EBF2: variants seen among roughly 807,000 people sequenced by gnomAD.
EBF2 encodes the protein EBF transcription factor 2, also known as transcription factor COE2.
A neutral mutation model predicts 72.8 loss-of-function variants in EBF2; 21 were observed. The observed-to-expected ratio is 0.29, with a 90% CI of 0.20 to 0.42. The LOEUF (loss-of-function observed/expected upper bound fraction) is 0.42. Ranked by LOEUF, EBF2 falls within the 10% of genes least tolerant of loss-of-function variation. The pLI is 1.00. For synonymous variants in EBF2, 299 were observed against 274.2 expected (o/e 1.09, Z -0.89); for missense variants, 637 against 731.2 (o/e 0.87, Z 1.49).
chr8:25,922,454 A>G (rs937190107), intron 6 of EBF2, among the ~76,000 whole-genome samples: 1 of 152,214 alleles, frequency 6.6e-6, no homozygotes, highest in South Asian at 2.1e-4. Context: ...AGATCATATA[A>G]TAAGGATGAG....
chr8:25,945,075 A>G (rs1256486357), intron 6 of EBF2, among the ~76,000 whole-genome samples: 1 of 145,622 alleles, frequency 6.9e-6, no homozygotes, highest in Non-Finnish European at 1.5e-5. Context: ...AAGCGTGAAA[A>G]GATTGTTCTG....
At chr8:25,906,894 C>T (rs1329210294) in intron 7 of EBF2, among the ~76,000 whole-genome samples, 1 of 152,060 alleles carries the variant, frequency 6.6e-6, no homozygotes, top group Non-Finnish European at 1.5e-5. Flanking sequence ...GAAAAATGTT[C>T]CTGTCACAGC....
At chr8:25,893,338 G>A (rs1802815018) in intron 7 of EBF2, among the ~76,000 whole-genome samples, 1 of 136,506 alleles carries the variant, frequency 7.3e-6, no homozygotes, top group Admixed American at 7.8e-5. Flanking sequence ...CTGAAGTGCA[G>A]TGCAGTGGCC....
intron 14 of EBF2, among the ~76,000 whole-genome samples, chr8:25,856,977 C>G (rs1455178630): frequency 6.6e-6 from 1 of 152,092 alleles, no homozygotes; most frequent in Non-Finnish European, 1.5e-5. Context: ...TTGTTAGACT[C>G]TGTTTTATAT....
chr8:26,007,024 A>G (rs1389408314), intron 6 of EBF2, among the ~76,000 whole-genome samples: 1 of 152,236 alleles, frequency 6.6e-6, no homozygotes. Flanking sequence ...GCCCTTCTAG[A>G]CAGCCACAGA....
intron 14 of EBF2, among the ~76,000 whole-genome samples, chr8:25,851,158 G>A (rs866951746): frequency 3.9e-5 from 6 of 152,002 alleles, no homozygotes; most frequent in Middle Eastern, 3.2e-3. Context: ...AATGGAAATC[G>A]CTTTCACACC....
intron 6 of EBF2, among the ~76,000 whole-genome samples, chr8:25,975,178 G>A (rs1275667212): frequency 2.0e-5 from 3 of 152,164 alleles, no homozygotes; most frequent in African/African-American, 7.2e-5. Context: ...GAACTACTGC[G>A]CTGAAAATCA....
At chr8:26,011,498 T>A (rs1441051255) in intron 6 of EBF2, among the ~76,000 whole-genome samples, 1 of 151,772 alleles carries the variant, frequency 6.6e-6, no homozygotes, top group Non-Finnish European at 1.5e-5. Context: ...CTTTCAAGTT[T>A]GCCAATAATA....
At chr8:26,040,229 C>T (rs1805575433) in intron 4 of EBF2, 128 bp from the exon 5 acceptor site, 1 of 995,526 alleles carries the variant, frequency 1.0e-6, no homozygotes, top group Non-Finnish European at 1.5e-6. Flanking sequence ...GGAATTCCCG[C>T]CCGCAGCACA....
At chr8:25,986,024 A>AAAAAAAAAAAAAAC (rs1804448879) in intron 6 of EBF2, among the ~76,000 whole-genome samples, 1 of 144,218 alleles carries the variant, frequency 6.9e-6, no homozygotes, top group African/African-American at 2.5e-5. Flanking sequence ...AAAAAAAAAA[A>AAAAAAAAAAAAAAC]AGTACATGAG....
chr8:25,847,563 T>G (rs4073167), intron 15 of EBF2, among the ~76,000 whole-genome samples: 44,808 of 152,104 alleles, frequency 0.29, 6,764 homozygotes, highest in South Asian at 0.41. Flanking sequence ...GTAGGAAATA[T>G]CTGTTACCTT....
intron 8 of EBF2, among the ~76,000 whole-genome samples, chr8:25,889,451 C>G (rs985800445): frequency 2.0e-5 from 3 of 152,080 alleles, no homozygotes; most frequent in African/African-American, 7.2e-5. Flanking sequence ...TGCAATGTTC[C>G]TGTTTAACTA....
rs370228491 is a variant in EBF2 at position 26,013,898 on chromosome 8, C to T, written c.551+19187G>A. 5.9e-5 allele frequency among the ~76,000 whole-genome samples: 9 copies of T among 152,230 alleles called. No homozygotes were observed. The South Asian group carries it at 1.9e-3, about 32-fold the overall frequency. ...CAGCATCCGGATATTGCTATAACAC[C>T]TTCCCAAACCATCAGGCTCTTTCCT... On this transcript the variant is annotated intron_variant, in intron 6 of 15. Transcript: ENST00000520164.
Position 25,887,986 on chromosome 8 carries a change from A to C in EBF2, c.752-14T>G, listed in dbSNP as rs753311986. On this transcript the variant is annotated splice_polypyrimidine_tract_variant and intron_variant, in intron 8 of 15. Coordinates refer to ENST00000520164, the MANE Select transcript of EBF2 (RefSeq NM_022659.4). ...TGCAGGGGGTAGCTAAGAAGACAGG[A>C]AAGAAAAAGTCAGGTTTGTTCTTTC... The C allele has an allele frequency of 1.3e-6, 2 of 1,596,552 alleles. No individual in the cohort carries two copies. The highest frequency in any genetic ancestry group is 2.2e-5 in the East Asian group (1 of 44,768).
At chr8:26,017,263 A>G (rs1643172277) in intron 6 of EBF2, among the ~76,000 whole-genome samples, 1 of 152,156 alleles carries the variant, frequency 6.6e-6, no homozygotes, top group Non-Finnish European at 1.5e-5. Flanking sequence ...CCCTGTCTAA[A>G]TACCCAAAAG....
chr8:25,867,083 C>T (rs1049434937), intron 10 of EBF2, among the ~76,000 whole-genome samples: 1 of 152,100 alleles, frequency 6.6e-6, no homozygotes, highest in Non-Finnish European at 1.5e-5. Flanking sequence ...ACAACTGGCA[C>T]AAGGATTAAA....
At chr8:25,886,395 T>C (rs925456659) in intron 10 of EBF2, among the ~76,000 whole-genome samples, 1 of 152,232 alleles carries the variant, frequency 6.6e-6, no homozygotes, top group African/African-American at 2.4e-5. Context: ...CCAACATCAC[T>C]AGGCAACTCT....
chr8:25,885,003 T>C (rs1164318961), intron 10 of EBF2, among the ~76,000 whole-genome samples: 1 of 152,180 alleles, frequency 6.6e-6, no homozygotes, highest in East Asian at 1.9e-4. Context: ...TATATATTTC[T>C]TTCTCTATAC....
chr8:26,026,072 G>A (rs1805298465), intron 6 of EBF2, among the ~76,000 whole-genome samples: 1 of 152,202 alleles, frequency 6.6e-6, no homozygotes, highest in African/African-American at 2.4e-5. Context: ...AGATACTTGG[G>A]AGGATGAGGA....
Sources: allele counts gnomAD v4.1 joint callset (sites outside exome capture counted in the v4.1 genomes callset), GRCh38; gene constraint gnomAD v4.1.1; transcripts MANE v1.5; gene names NCBI Gene and HGNC (gene_info 2026-07-23, HGNC 2026-07-21).